The following PACS2 variants were observed in gnomAD, a reference collection of about 807,000 sequenced individuals.
PACS2 encodes the protein PACS1-like protein.
PACS2 carries 36 observed loss-of-function variants against 113.0 expected under a neutral mutation model. The observed-to-expected ratio is 0.32, with a 90% CI of 0.24 to 0.42. PACS2 has a LOEUF of 0.42. Ranked by LOEUF, PACS2 falls within the 10% of genes least tolerant of loss-of-function variation. PACS2 has a pLI of 1.00. For missense variants in PACS2, 1,015 were observed against 1,239.5 expected, an observed-to-expected ratio of 0.82 and a Z score of 2.72; for synonymous variants, 589 against 536.1, an observed-to-expected ratio of 1.10 and a Z score of -1.36.
Position 105,330,904 on chromosome 14 carries a change from G to T in PACS2, c.119+15867G>T, listed in dbSNP as rs1399532163. The stretch of plus-strand genomic sequence containing the variant: ...CATCTCACGTGATGTCAACCTTCTG[G>T]GTCCTTGGGGCCTAGCCTTGCTCTG... On this transcript the variant is annotated intron_variant, in intron 1 of 24. Coordinates refer to ENST00000447393, the MANE Select transcript of PACS2 (RefSeq NM_001100913.3). This position sits in a 1 kb window ranked among gnomAD's most constrained non-coding sequence, Gnocchi z 6.9. Among the ~76,000 whole-genome samples the T allele has an allele frequency of 1.9e-4, 29 of 152,110 alleles. 1 individual carries two copies. Among genetic ancestry groups the T allele is most frequent in the Admixed American group, 1.9e-3 (29 of 15,278 alleles).
intron 2 of PACS2, among the ~76,000 whole-genome samples, chr14:105,352,155 A>T (rs1217935843): frequency 6.6e-6 from 1 of 152,226 alleles, no homozygotes; most frequent in Non-Finnish European, 1.5e-5. Context: ...CTTAGGGCAG[A>T]TTCCTGGAGG....
chr14:105,310,240 A>AC (rs1011973629), upstream of PACS2, among the ~76,000 whole-genome samples: 1 of 150,832 alleles, frequency 6.6e-6, no homozygotes, highest in Non-Finnish European at 1.5e-5. Context: ...TAAGAATGTT[A>AC]CCCTAGTGAG....
chr14:105,361,514 G>A (rs144100896), intron 4 of PACS2, among the ~76,000 whole-genome samples: 138 of 152,290 alleles, frequency 9.1e-4, no homozygotes, highest in African/African-American at 3.2e-3. Flanking sequence ...GAGGACACCT[G>A]TAATTCCAGC....
chr14:105,309,078 C>T lies in PACS2; in HGVS notation c.-83+8099C>T, dbSNP rs1340361899. ...GTTGAGTGTTGGTTGACACGTGTTG[C>T]GGTAATTGCTGTTCTGATGTCTGTG... On this transcript the variant is annotated intron_variant, in intron 1 of 23. Coordinates refer to the PACS2 transcript ENST00000430725. This position sits in a 1 kb window ranked among gnomAD's most constrained non-coding sequence, Gnocchi z 4.0. 2.6e-5 allele frequency among the ~76,000 whole-genome samples: 4 copies of T among 152,156 alleles called. No homozygotes were observed. The highest frequency in any genetic ancestry group is 1.5e-5 in the Non-Finnish European group (1 of 68,034).
chr14:105,393,389 C>A, intron 24 of PACS2, 54 bp downstream of exon 24: 1 of 1,259,320 alleles, frequency 7.9e-7, no homozygotes, highest in Non-Finnish European at 1.1e-6. Context: ...GAGAGCACAG[C>A]AAGGCTGCTT....
Position 105,357,098 on chromosome 14 carries a change from A to C in PACS2, c.423+1921A>C, listed in dbSNP as rs1595683509. Among the ~76,000 whole-genome samples the C allele has an allele frequency of 6.6e-6, 1 of 151,982 alleles. No homozygotes were observed. The highest frequency in any genetic ancestry group is 2.4e-5 in the African/African-American group (1 of 41,378). The stretch of plus-strand genomic sequence containing the variant: ...GCTCCGCCCACATCTCTCAGTCTGC[A>C]CCCCAGTGCCCCAGGCGGCTCCTCC... On this transcript the variant is annotated intron_variant, in intron 4 of 24. Coordinates refer to ENST00000447393, the MANE Select transcript of PACS2 (RefSeq NM_001100913.3). The surrounding 1 kb of genome is among the most constrained non-coding windows in gnomAD (Gnocchi z 5.1).
intron 19 of PACS2, among the ~76,000 whole-genome samples, chr14:105,385,961 C>T (rs2081163221): frequency 6.6e-6 from 1 of 152,232 alleles, no homozygotes; most frequent in South Asian, 2.1e-4. Context: ...GTCAGGAGAG[C>T]AGCAGATGGG....
Position 105,376,952 on chromosome 14 carries a change from G to A in PACS2, c.959+27G>A. 6.4e-7 allele frequency: 1 copy of A among 1,562,222 alleles called. No homozygotes were observed. The highest frequency in any genetic ancestry group is 8.7e-7 in the Non-Finnish European group (1 of 1,152,056). ...TGAGCCCTACAGGGCGGGGCGGGGA[G>A]GAACAGCCATTTCAGATGCCCCGGC... On this transcript the variant is annotated intron_variant, in intron 9 of 24. Coordinates refer to ENST00000447393, the MANE Select transcript of PACS2 (RefSeq NM_001100913.3). This position sits in a 1 kb window ranked among gnomAD's most constrained non-coding sequence, Gnocchi z 4.7.
chr14:105,312,338 A>G (rs2058370591), upstream of PACS2, among the ~76,000 whole-genome samples: 2 of 152,224 alleles, frequency 1.3e-5, no homozygotes, highest in African/African-American at 4.8e-5. Flanking sequence ...TTCTTAAATA[A>G]TAATAACTCC....
chr14:105,381,016 C>G lies in PACS2; in HGVS notation c.1185C>G (p.Ala395=). 6.2e-7 allele frequency: 1 copy of G among 1,612,534 alleles called. No homozygotes were observed. The highest frequency in any genetic ancestry group is 2.2e-5 in the East Asian group (1 of 44,870). Reference sequence around the variant, plus strand: ...CTGAGGACAGCCCCGAGGCTGAGGCCTCCACCCTGGATGTGTTCACGGAGA... The same window carrying G: ...CTGAGGACAGCCCCGAGGCTGAGGCGTCCACCCTGGATGTGTTCACGGAGA... The part of the protein sequence containing the change: ...GQPEDSPEAE[A]STLDVFTERL... Residue 395 remains alanine (A), a synonymous_variant, in exon 12 of 25, where the codon GCC becomes GCG. Transcript: ENST00000447393.
In PACS2 at chr14:105,366,273, A is replaced by G. The variant is rs2060937614; in HGVS notation, c.424-940A>G. ...TGAGGCAGGAGAATCACTTGAACCCAGGAGGCGGAGGTTGCAGTGAGCCAA... is the reference window on the plus strand; with the variant it reads ...TGAGGCAGGAGAATCACTTGAACCCGGGAGGCGGAGGTTGCAGTGAGCCAA... On this transcript the variant is annotated intron_variant, in intron 4 of 24. Transcript: ENST00000447393. This position sits in a 1 kb window ranked among gnomAD's most constrained non-coding sequence, Gnocchi z 4.3. Among the ~76,000 whole-genome samples the G allele has an allele frequency of 6.6e-6, 1 of 152,240 alleles. No individual in the cohort carries two copies. The highest frequency in any genetic ancestry group is 1.9e-4 in the East Asian group (1 of 5,204).
At chr14:105,360,883 C>T (rs1429521611) in intron 4 of PACS2, among the ~76,000 whole-genome samples, 1 of 152,194 alleles carries the variant, frequency 6.6e-6, no homozygotes, top group Non-Finnish European at 1.5e-5. Context: ...TGTTGTCACT[C>T]CGCAGTGTTC....
intron 7 of PACS2, 90 bp from the exon 8 acceptor site, chr14:105,369,751 C>T: frequency 8.6e-7 from 1 of 1,156,188 alleles, no homozygotes; most frequent in Non-Finnish European, 1.2e-6. Flanking sequence ...CCACGGCGGG[C>T]CTGGGTGCGG....
In PACS2 at chr14:105,382,835, C is replaced by G. The variant is rs782149744; in HGVS notation, c.1547C>G (p.Thr516Arg). ...CTCTCCGACGTCCTGCAGAGGCACA[C>G]GCTCCCCGTGGTGTGCACGTGCTCT... ...QFLSDVLQRH[T>R]LPVVCTCSPA... The change falls in exon 15 of 25, where the codon ACG becomes AGG. Residue 516 changes from threonine (T) to arginine (R), a missense_variant. By Grantham distance (71) the Thr-to-Arg change is moderately conservative. This residue lies in a region of PACS2 where 859 missense variants were observed against 1,056.8 expected (regional missense o/e 0.81). Transcript: ENST00000447393. The G allele has an allele frequency of 1.2e-5, 19 of 1,604,876 alleles. No individual in the cohort carries two copies. Among genetic ancestry groups the G allele is most frequent in the Non-Finnish European group, 1.5e-5 (18 of 1,177,574 alleles).
chr14:105,372,386 A>G (rs2061189437), intron 8 of PACS2: 1 of 152,250 alleles, frequency 6.6e-6, no homozygotes, highest in Admixed American at 6.5e-5. Context: ...AGGCTTGACA[A>G]TGCACACCAT....
At chr14:105,350,525 C>G (rs2060130431) in intron 2 of PACS2, among the ~76,000 whole-genome samples, 2 of 152,184 alleles carry the variant, frequency 1.3e-5, no homozygotes, top group Admixed American at 6.5e-5. Context: ...CCATGCCCTC[C>G]CTGCCCACCC....
At chr14:105,394,295 C>A in intron 24 of PACS2, 1 of 985,318 alleles carries the variant, frequency 1.0e-6, no homozygotes, top group Non-Finnish European at 1.2e-6. Flanking sequence ...CACCTGCAGG[C>A]AGCCCTGGGG....
At chr14:105,353,102 A>C (rs1197806703) in intron 3 of PACS2, among the ~76,000 whole-genome samples, 1 of 43,440 alleles carries the variant, frequency 2.3e-5, no homozygotes, top group Non-Finnish European at 4.2e-5. Context: ...CCCCCCCATC[A>C]CTGTCCCCTG....
chr14:105,301,436 G>GGGCCGAGCGTGGTGGGCGGGGC (rs1322946452), intron 1 of PACS2, among the ~76,000 whole-genome samples: 1 of 151,646 alleles, frequency 6.6e-6, no homozygotes, highest in Non-Finnish European at 1.5e-5. Context: ...TGAGGCGAGG[G>GGGCCGAGCGTGGTGGGCGGGGC]GGCCGAGCGT....
Sources: allele counts gnomAD v4.1 joint callset (sites outside exome capture counted in the v4.1 genomes callset), GRCh38; gene constraint gnomAD v4.1.1; regional missense constraint gnomAD v4.1.1; non-coding constraint Gnocchi (gnomAD v3.1); transcripts MANE v1.5; gene names NCBI Gene and HGNC (gene_info 2026-07-23, HGNC 2026-07-21).